Variants in EBF1 observed in about 807,000 individuals in gnomAD.
EBF1 encodes the protein EBF transcription factor 1, also known as transcription factor COE1.
EBF1 carries 10 observed loss-of-function variants against 68.4 expected under a neutral mutation model. The observed-to-expected ratio is 0.15, with a 90% CI of 0.09 to 0.25. The LOEUF (loss-of-function observed/expected upper bound fraction) is 0.25, where lower values mean the gene tolerates loss of function less well. EBF1 is among the 10% of genes least tolerant of loss of function. EBF1 has a pLI of 1.00. For missense variants in EBF1, 509 were observed against 794.4 expected (o/e 0.64, Z 4.32); for synonymous variants, 298 against 299.8 (o/e 0.99, Z 0.06).
At chr5:158,779,911 TTTAA>T (rs1392827444) in intron 9 of EBF1, among the ~76,000 whole-genome samples, 33 of 152,150 alleles carry the variant, frequency 2.2e-4, no homozygotes, top group African/African-American at 8.0e-4. Flanking sequence ...CATTTTCAAT[TTTAA>T]TTAATTGCCC....
intron 6 of EBF1, among the ~76,000 whole-genome samples, chr5:158,917,083 C>T (rs547952596): frequency 2.2e-4 from 33 of 152,342 alleles, no homozygotes; most frequent in South Asian, 2.1e-4. Context: ...AACTAGCCAA[C>T]TTCAGCCCTG....
At chr5:159,051,611 A>C (rs1289389510) in intron 6 of EBF1, among the ~76,000 whole-genome samples, 1 of 151,666 alleles carries the variant, frequency 6.6e-6, no homozygotes, top group African/African-American at 2.4e-5. Context: ...TCCGCTGCCC[A>C]CAGTGCGCTC....
chr5:159,084,741 T>C lies in EBF1; in HGVS notation c.412-2A>G. On this transcript the variant is annotated splice_acceptor_variant, in intron 4 of 15. Transcript: ENST00000313708. LOFTEE classifies it high-confidence loss of function. ...GTCTTGGCCTTCATACACTATGGCC[T>C]AAAAGCAAAAGCACAGTTTTAGCTA... 1 of 1,575,488 alleles carries C rather than the reference T, an allele frequency of 6.3e-7. No individual in the cohort carries two copies. The highest frequency in any genetic ancestry group is 8.6e-7 in the Non-Finnish European group (1 of 1,159,584).
At position 158,838,249 on chromosome 5, in the gene EBF1, T is replaced by C. The variant is rs2127954927; in HGVS notation, c.636+1780A>G. ...TCACAAGGTCAGGAGATCAAGACCA[T>C]CCTGGCTAACACAGTGAAACCCTGT... On this transcript the variant is annotated intron_variant, in intron 7 of 15. Transcript: ENST00000313708. 2.0e-5 allele frequency among the ~76,000 whole-genome samples: 3 copies of C among 151,854 alleles called. No individual in the cohort carries two copies. In the Middle Eastern group the frequency reaches 0.01, roughly 520 times the overall value.
intron 6 of EBF1, among the ~76,000 whole-genome samples, chr5:158,877,876 A>C (rs1468454078): frequency 6.6e-6 from 1 of 152,030 alleles, no homozygotes; most frequent in Admixed American, 6.6e-5. Context: ...TCCGGTCGCC[A>C]TATATTGCTC....
At chr5:158,955,187 G>C (rs1156667678) in intron 6 of EBF1, among the ~76,000 whole-genome samples, 1 of 152,104 alleles carries the variant, frequency 6.6e-6, no homozygotes, top group African/African-American at 2.4e-5. Context: ...GCCGGGAGTG[G>C]TGGCGGGCAC....
intron 6 of EBF1, among the ~76,000 whole-genome samples, chr5:158,859,153 C>G (rs1794571582): frequency 6.6e-6 from 1 of 152,206 alleles, no homozygotes; most frequent in African/African-American, 2.4e-5. Flanking sequence ...CTTATCTGCC[C>G]TCCCTTTGAG....
At chr5:158,992,952 G>A (rs1449710433) in intron 6 of EBF1, among the ~76,000 whole-genome samples, 4 of 103,176 alleles carry the variant, frequency 3.9e-5, no homozygotes, top group East Asian at 5.8e-4. Context: ...TTTTTGAGAC[G>A]GAGTCTTGCT....
intron 6 of EBF1, among the ~76,000 whole-genome samples, chr5:158,888,341 A>G (rs1562224269): frequency 6.6e-6 from 1 of 152,092 alleles, no homozygotes; most frequent in Non-Finnish European, 1.5e-5. Context: ...AAATACCAGA[A>G]AGAATACTGA....
intron 6 of EBF1, among the ~76,000 whole-genome samples, chr5:158,995,307 C>G (rs1761170543): frequency 1.3e-5 from 2 of 152,162 alleles, no homozygotes; most frequent in South Asian, 4.1e-4. Context: ...ATGATACAGT[C>G]ATATTTTATT....
intron 6 of EBF1, among the ~76,000 whole-genome samples, chr5:158,895,510 A>G (rs950966143): frequency 6.6e-6 from 1 of 152,220 alleles, no homozygotes; most frequent in East Asian, 1.9e-4. Context: ...TAATGGTCAC[A>G]ATAATCGATG....
At chr5:158,793,587 G>A (rs887993186) in intron 9 of EBF1, among the ~76,000 whole-genome samples, 2 of 151,758 alleles carry the variant, frequency 1.3e-5, no homozygotes, top group Non-Finnish European at 2.9e-5. Context: ...AAAAAATATG[G>A]TATAGTTCAA....
chr5:159,057,104 C>CTTTTTTTTTTTT (rs1205129627), intron 6 of EBF1, among the ~76,000 whole-genome samples: 8 of 110,644 alleles, frequency 7.2e-5, no homozygotes, highest in African/African-American at 1.6e-4. Flanking sequence ...CTTTTCTTTT[C>CTTTTTTTTTTTT]TTTTTTTTTT....
intron 6 of EBF1, among the ~76,000 whole-genome samples, chr5:159,016,752 C>T (rs1765696612): frequency 6.6e-6 from 1 of 152,168 alleles, no homozygotes; most frequent in Admixed American, 6.5e-5. Flanking sequence ...GCGTGAGATC[C>T]ATCTTTAGCT....
intron 6 of EBF1, among the ~76,000 whole-genome samples, chr5:158,954,279 A>G (rs71593317): frequency 6.6e-6 from 1 of 152,194 alleles, no homozygotes; most frequent in Non-Finnish European, 1.5e-5. Flanking sequence ...GTTAAATGAC[A>G]GTATGGCAGT....
chr5:158,945,945 T>C (rs1174307187), intron 6 of EBF1, among the ~76,000 whole-genome samples: 3 of 152,218 alleles, frequency 2.0e-5, no homozygotes, highest in African/African-American at 4.8e-5. Flanking sequence ...CTTCAATCTC[T>C]GATATCCTTT....
chr5:158,949,504 A>G (rs1815532229), intron 6 of EBF1, among the ~76,000 whole-genome samples: 1 of 152,222 alleles, frequency 6.6e-6, no homozygotes, highest in Non-Finnish European at 1.5e-5. Flanking sequence ...ATTAAAAACT[A>G]AAAAGAAAAT....
chr5:158,862,646 C>A (rs1441334812), intron 6 of EBF1, among the ~76,000 whole-genome samples: 1 of 152,088 alleles, frequency 6.6e-6, no homozygotes, highest in East Asian at 1.9e-4. Context: ...CATGCTACCA[C>A]CAAGATACCA....
At chr5:158,775,999 G>A (rs1347536147) in intron 10 of EBF1, among the ~76,000 whole-genome samples, 6 of 152,184 alleles carry the variant, frequency 3.9e-5, no homozygotes, top group East Asian at 1.9e-4. Flanking sequence ...TCTACGCTTC[G>A]TTTGTATACA....
Sources: gnomAD v4.1 joint callset for allele counts (sites outside exome capture counted in the v4.1 genomes callset) on GRCh38, gnomAD v4.1.1 for gene constraint, MANE v1.5 for transcripts, NCBI Gene and HGNC (gene_info 2026-07-23, HGNC 2026-07-21) for gene names.